The following TBXAS1 variants were observed in gnomAD, a reference collection of about 807,000 sequenced individuals.
The protein encoded by TBXAS1 is thromboxane-A synthase.
Under a neutral mutation model 60.7 loss-of-function variants are expected in TBXAS1, and 48 were observed. The ratio of observed to expected loss-of-function variants is 0.79; its 90% CI spans 0.63 to 1.01. The LOEUF is 1.01. Among genes scored for constraint, TBXAS1 ranks in the 50% least tolerant of loss-of-function variants. TBXAS1 has a pLI of 0.00. For synonymous variants in TBXAS1, 287 were observed against 269.7 expected, an observed-to-expected ratio of 1.06 and a Z score of -0.63; for missense variants, 685 against 686.3, an observed-to-expected ratio of 1.00 and a Z score of 0.02.
intron 1 of TBXAS1, among the ~76,000 whole-genome samples, chr7:139,841,482 C>CTTTTTTT (rs5887936): frequency 6.8e-6 from 1 of 146,416 alleles, no homozygotes; most frequent in Non-Finnish European, 1.5e-5. Context: ...ATCTATTTCC[C>CTTTTTTT]TTTTTTTTTT....
chr7:139,884,685 G>T (rs1802944293), intron 3 of TBXAS1, among the ~76,000 whole-genome samples: 1 of 152,300 alleles, frequency 6.6e-6, no homozygotes, highest in South Asian at 2.1e-4. Context: ...CACCAGGAAG[G>T]TGTCAGCTGG....
intron 6 of TBXAS1, among the ~76,000 whole-genome samples, chr7:139,954,967 A>C (rs549310320): frequency 6.6e-6 from 1 of 152,372 alleles, no homozygotes; most frequent in Non-Finnish European, 1.5e-5. Flanking sequence ...AAAGTTAATA[A>C]AACTAGATAA....
chr7:139,829,235 C>CT (rs1491293319), upstream of TBXAS1: 1 of 721,610 alleles, frequency 1.4e-6, no homozygotes, highest in Non-Finnish European at 2.5e-6. Context: ...TAGGGAGACA[C>CT]TCTGAGAAAG....
chr7:139,956,695 T>C (rs1404337640), intron 7 of TBXAS1, among the ~76,000 whole-genome samples: 2 of 152,234 alleles, frequency 1.3e-5, no homozygotes, highest in Non-Finnish European at 2.9e-5. Flanking sequence ...TCACTCTGAG[T>C]GTCCAGCAGT....
intron 4 of TBXAS1, among the ~76,000 whole-genome samples, chr7:139,810,063 G>A (rs1266252788): frequency 6.6e-6 from 1 of 151,590 alleles, no homozygotes; most frequent in African/African-American, 2.4e-5. Flanking sequence ...TTGAGACAGG[G>A]TCTCGCTCTG....
intron 9 of TBXAS1, among the ~76,000 whole-genome samples, chr7:139,983,593 A>G (rs1425432113): frequency 6.6e-6 from 1 of 152,110 alleles, no homozygotes; most frequent in Non-Finnish European, 1.5e-5. Flanking sequence ...CACCAACCCA[A>G]TAGATCTCCA....
chr7:140,012,962 T>C (rs1814734744), intron 10 of TBXAS1, among the ~76,000 whole-genome samples: 1 of 151,294 alleles, frequency 6.6e-6, no homozygotes, highest in African/African-American at 2.4e-5. Context: ...AGGTTTGGAG[T>C]TTGGGTTACA....
At chr7:139,966,838 G>A (rs888249149) in intron 9 of TBXAS1, among the ~76,000 whole-genome samples, 2 of 152,198 alleles carry the variant, frequency 1.3e-5, no homozygotes, top group African/African-American at 4.8e-5. Context: ...CGCCCTGCGG[G>A]AGGAGAGGTC....
chr7:139,848,228 T>C (rs1385273636), intron 1 of TBXAS1, among the ~76,000 whole-genome samples: 1 of 152,102 alleles, frequency 6.6e-6, no homozygotes, highest in African/African-American at 2.4e-5. Context: ...CAAATGATCC[T>C]CCCACCTCGG....
chr7:139,955,739 GC>G, intron 7 of TBXAS1, 132 bp downstream of exon 7: 2 of 1,372,424 alleles, frequency 1.5e-6, no homozygotes, highest in Non-Finnish European at 2.0e-6. Context: ...CCCTGCAGAG[GC>G]TTTGTCTTAT....
intron 1 of TBXAS1, among the ~76,000 whole-genome samples, chr7:139,850,443 T>C (rs1350802092): frequency 6.6e-6 from 1 of 152,214 alleles, no homozygotes; most frequent in African/African-American, 2.4e-5. Context: ...CCATCTCACA[T>C]CCTCTGTGAC....
intron 9 of TBXAS1, among the ~76,000 whole-genome samples, chr7:139,977,666 C>G (rs1408021164): frequency 6.6e-6 from 1 of 152,060 alleles, no homozygotes; most frequent in African/African-American, 2.4e-5. Context: ...GATGCAGAGC[C>G]TCTCCCTCCA....
At chr7:140,003,522 C>T (rs1479478467) in intron 9 of TBXAS1, among the ~76,000 whole-genome samples, 2 of 152,174 alleles carry the variant, frequency 1.3e-5, no homozygotes, top group South Asian at 2.1e-4. Flanking sequence ...GCATCTTGAT[C>T]TAAAAGCCTA....
intron 10 of TBXAS1, among the ~76,000 whole-genome samples, chr7:140,014,819 C>A (rs1378105830): frequency 1.3e-5 from 2 of 151,156 alleles, no homozygotes; most frequent in Non-Finnish European, 1.5e-5. Context: ...GAGGCTGAGG[C>A]AGGAGAATTG....
intron 9 of TBXAS1, among the ~76,000 whole-genome samples, chr7:140,003,400 T>C (rs1813830930): frequency 6.6e-6 from 1 of 152,086 alleles, no homozygotes. Flanking sequence ...AGACAGGGTT[T>C]CATCATGTTG....
chr7:139,990,151 C>A (rs766261473), intron 9 of TBXAS1, among the ~76,000 whole-genome samples: 3 of 152,340 alleles, frequency 2.0e-5, no homozygotes, highest in African/African-American at 4.8e-5. Context: ...TCTCCTCCCC[C>A]AGGCCAGGCC....
At chr7:139,879,828 CATTTTGTGTGTGT>C (rs1459483132) in intron 3 of TBXAS1, among the ~76,000 whole-genome samples, 5 of 133,834 alleles carry the variant, frequency 3.7e-5, no homozygotes, top group African/African-American at 1.5e-4. Context: ...CCCTTTATCT[CATTTTGTGTGTGT>C]GTGTGTGTGT....
chr7:139,785,969 G>C (rs1426657346), intron 3 of TBXAS1, among the ~76,000 whole-genome samples: 1 of 149,792 alleles, frequency 6.7e-6, no homozygotes, highest in African/African-American at 2.5e-5. Context: ...CATCCCCAGA[G>C]GTCATTTATC....
chr7:139,830,969 A>G (rs1361974316), intron 1 of TBXAS1, among the ~76,000 whole-genome samples: 3 of 151,992 alleles, frequency 2.0e-5, no homozygotes, highest in Non-Finnish European at 4.4e-5. Context: ...CAGGGCAGCT[A>G]TGTGTTTGCT....
Sources: gnomAD v4.1 joint callset for allele counts (sites outside exome capture counted in the v4.1 genomes callset) on GRCh38, gnomAD v4.1.1 for gene constraint, MANE v1.5 for transcripts, NCBI Gene and HGNC (gene_info 2026-07-23, HGNC 2026-07-21) for gene names.